Variants in POU6F2 observed in about 807,000 individuals in gnomAD.
POU6F2 encodes the protein POU domain, class 6, transcription factor 2.
Under a neutral mutation model 71.3 loss-of-function variants are expected in POU6F2, and 31 were observed. That is an observed-to-expected ratio of 0.43 (90% CI 0.33 to 0.59). The LOEUF is 0.59. Among genes scored for constraint, POU6F2 ranks in the 20% least tolerant of loss-of-function variants. POU6F2 has a pLI of 0.04. For missense variants in POU6F2, 783 were observed against 856.8 expected (o/e 0.91, Z 1.07); for synonymous variants, 347 against 355.7 (o/e 0.98, Z 0.27).
chr7:39,460,704 G>C lies in POU6F2; in HGVS notation c.1647G>C (p.Ser549=). Residue 549 remains serine, a synonymous_variant, in exon 9 of 10, where the codon TCG becomes TCC. Coordinates refer to ENST00000518318, the MANE Select transcript of POU6F2 (RefSeq NM_001370959.1). This position sits in a 1 kb window ranked among gnomAD's most constrained non-coding sequence, Gnocchi z 4.4. ...SATEGPAYSQ[S]AICRHTILRS... is the part of the protein sequence containing the mutation. The stretch of plus-strand genomic sequence containing the variant: ...CAGAGGGCCCCGCGTACAGCCAGTC[G>C]GCCATCTGCAGGTAACGCGCGCCTG... 3 of 1,600,106 alleles carry C rather than the reference G, an allele frequency of 1.9e-6. No homozygotes were observed. Among genetic ancestry groups the C allele is most frequent in the Non-Finnish European group, 2.6e-6 (3 of 1,172,606 alleles).
chr7:39,196,619 T>G (rs1793791329), intron 2 of POU6F2, among the ~76,000 whole-genome samples: 1 of 151,600 alleles, frequency 6.6e-6, no homozygotes, highest in Non-Finnish European at 1.5e-5. Context: ...ATTAGCCAGG[T>G]GTGGTGGTGT....
intron 4 of POU6F2, among the ~76,000 whole-genome samples, chr7:39,270,795 C>A (rs1784326356): frequency 6.6e-6 from 1 of 152,106 alleles, no homozygotes; most frequent in Non-Finnish European, 1.5e-5. Context: ...AGAAACCCTC[C>A]TAGATTACAG....
chr7:39,184,304 T>C (rs1342234537), intron 2 of POU6F2, among the ~76,000 whole-genome samples: 2 of 152,248 alleles, frequency 1.3e-5, no homozygotes, highest in Non-Finnish European at 1.5e-5. Flanking sequence ...TAATTGGATT[T>C]TTAAAATAAC....
Position 39,006,792 on chromosome 7 carries a change from T to C in POU6F2, c.105+28734T>C. Reference sequence around the variant, plus strand: ...TCTTGGGTTGTGTTACCCTGTTTGCTGTTTACTGTCAAGATGCTGAAAGAA... The same window carrying C: ...TCTTGGGTTGTGTTACCCTGTTTGCCGTTTACTGTCAAGATGCTGAAAGAA... On this transcript the variant is annotated intron_variant, in intron 1 of 9. Coordinates refer to ENST00000518318, the MANE Select transcript of POU6F2 (RefSeq NM_001370959.1). 2.6e-6 allele frequency: 4 copies of C among 1,565,214 alleles called. No homozygotes were observed. In the South Asian group the frequency reaches 4.4e-5, roughly 17 times the overall value.
chr7:39,290,897 G>A (rs1784741657), intron 4 of POU6F2, among the ~76,000 whole-genome samples: 1 of 151,942 alleles, frequency 6.6e-6, no homozygotes, highest in African/African-American at 2.4e-5. Flanking sequence ...AAGTACTTGT[G>A]GAGAAGATTA....
intron 4 of POU6F2, among the ~76,000 whole-genome samples, chr7:39,322,287 C>T (rs373314569): frequency 7.9e-4 from 121 of 152,298 alleles, no homozygotes; most frequent in African/African-American, 2.7e-3. Flanking sequence ...TATGCTTTGG[C>T]CCTTCCGCCG....
chr7:39,375,846 TTG>T (rs1255572240), intron 5 of POU6F2, among the ~76,000 whole-genome samples: 4 of 152,074 alleles, frequency 2.6e-5, no homozygotes, highest in Non-Finnish European at 5.9e-5. Flanking sequence ...AAAGAGCAAT[TTG>T]GGGGTGGAGT....
chr7:39,340,949 G>A (rs1032591639), intron 5 of POU6F2, among the ~76,000 whole-genome samples: 8 of 152,082 alleles, frequency 5.3e-5, no homozygotes, highest in East Asian at 1.9e-4. Flanking sequence ...AGACAATCTC[G>A]TGTATTTGTA....
At chr7:39,009,405 G>C (rs1444754595) in intron 1 of POU6F2, among the ~76,000 whole-genome samples, 2 of 152,142 alleles carry the variant, frequency 1.3e-5, no homozygotes, top group African/African-American at 4.8e-5. Flanking sequence ...TTGCTTATCA[G>C]CTGAAGGAGA....
intron 5 of POU6F2, among the ~76,000 whole-genome samples, chr7:39,376,024 A>G (rs575396162): frequency 2.2e-4 from 33 of 152,240 alleles, no homozygotes; most frequent in African/African-American, 7.9e-4. Flanking sequence ...CAGTTTCCTC[A>G]TCTATAAAAT....
At chr7:39,026,669 G>A (rs1789811674) in intron 1 of POU6F2, among the ~76,000 whole-genome samples, 1 of 152,066 alleles carries the variant, frequency 6.6e-6, no homozygotes, top group African/African-American at 2.4e-5. Context: ...GTTAATGGGT[G>A]CAGCACACCA....
At chr7:39,462,430 C>T (rs1280915449) in intron 9 of POU6F2, among the ~76,000 whole-genome samples, 2 of 152,174 alleles carry the variant, frequency 1.3e-5, no homozygotes, top group African/African-American at 2.4e-5. Flanking sequence ...ACTCAGGCAT[C>T]GCTTGTCCCT....
At chr7:39,295,778 A>C (rs1010054338) in intron 4 of POU6F2, among the ~76,000 whole-genome samples, 1 of 152,240 alleles carries the variant, frequency 6.6e-6, no homozygotes, top group Non-Finnish European at 1.5e-5. Flanking sequence ...TCCACTAGAA[A>C]TTTCTTCCAA....
At chr7:39,015,113 G>A (rs917260460) in intron 1 of POU6F2, among the ~76,000 whole-genome samples, 8 of 151,130 alleles carry the variant, frequency 5.3e-5, no homozygotes, top group Middle Eastern at 3.4e-3. Context: ...TTGTTCGGGA[G>A]CAGAATTTTA....
chr7:39,148,550 G>T (rs748869454), intron 2 of POU6F2, among the ~76,000 whole-genome samples: 5 of 152,184 alleles, frequency 3.3e-5, no homozygotes, highest in Non-Finnish European at 7.4e-5. Context: ...TAATGGTGAT[G>T]ATGATAATGA....
intron 5 of POU6F2, among the ~76,000 whole-genome samples, chr7:39,376,400 C>A (rs2090527005): frequency 6.6e-6 from 1 of 152,034 alleles, no homozygotes; most frequent in East Asian, 1.9e-4. Context: ...GAGGGGTATT[C>A]ATAGGAGGAG....
chr7:39,173,377 G>A (rs1237199159), intron 2 of POU6F2, among the ~76,000 whole-genome samples: 1 of 152,142 alleles, frequency 6.6e-6, no homozygotes, highest in Non-Finnish European at 1.5e-5. Flanking sequence ...ACTTTTCTAT[G>A]CTTCAGTTTG....
chr7:39,150,225 C>CTGTGTGTGTGTGTG (rs60761447), intron 2 of POU6F2, among the ~76,000 whole-genome samples: 3,798 of 141,176 alleles, frequency 0.027, 80 homozygotes, highest in Middle Eastern at 0.04. Flanking sequence ...AGTAATATGT[C>CTGTGTGTGTGTGTG]TGTGTGTGTG....
intron 1 of POU6F2, among the ~76,000 whole-genome samples, chr7:38,993,700 G>C (rs1423324392): frequency 7.5e-6 from 1 of 132,990 alleles, no homozygotes; most frequent in South Asian, 2.3e-4. Flanking sequence ...TTTTTTTTTG[G>C]TCTTTTCACA....
Sources: allele counts gnomAD v4.1 joint callset (sites outside exome capture counted in the v4.1 genomes callset), GRCh38; gene constraint gnomAD v4.1.1; non-coding constraint Gnocchi (gnomAD v3.1); transcripts MANE v1.5; gene names NCBI Gene and HGNC (gene_info 2026-07-23, HGNC 2026-07-21).